The following SEMA4F variants were observed in gnomAD, a reference collection of about 807,000 sequenced individuals.
SEMA4F encodes the protein semaphorin-4F.
Under a neutral mutation model 78.4 loss-of-function variants are expected in SEMA4F, and 51 were observed. The observed-to-expected ratio is 0.65, with a 90% CI of 0.52 to 0.82. The LOEUF (loss-of-function observed/expected upper bound fraction) is 0.82. Among genes scored for constraint, SEMA4F ranks in the 40% least tolerant of loss-of-function variants. The pLI is 0.00. For synonymous variants in SEMA4F, 418 were observed against 408.7 expected (o/e 1.02, Z -0.27); for missense variants, 938 against 1,014.4 (o/e 0.92, Z 1.02).
chr2:74,685,646 T>G (rs1685807101), downstream of SEMA4F, among the ~76,000 whole-genome samples: 1 of 152,110 alleles, frequency 6.6e-6, no homozygotes, highest in Admixed American at 6.5e-5. Context: ...GTCAAGTCCA[T>G]GCCCAGGGAG....
At chr2:74,677,094 G>T (rs1187241059) in intron 12 of SEMA4F, among the ~76,000 whole-genome samples, 1 of 152,078 alleles carries the variant, frequency 6.6e-6, no homozygotes, top group Non-Finnish European at 1.5e-5. Context: ...TAGAGACGGG[G>T]TTTCACTACG....
Position 74,673,847 on chromosome 2 carries a change from T to G in SEMA4F, c.822+19T>G. Reference sequence around the variant, plus strand: ...GTGTGCGGTGAGACCCCATCCCAGCTGTCTGTCTGTCATCTCCTGCTCTGT... The same window carrying G: ...GTGTGCGGTGAGACCCCATCCCAGCGGTCTGTCTGTCATCTCCTGCTCTGT... On this transcript the variant is annotated intron_variant, in intron 7 of 13. Coordinates refer to ENST00000357877, the MANE Select transcript of SEMA4F (RefSeq NM_004263.5). 1.9e-6 allele frequency: 3 copies of G among 1,606,640 alleles called. No homozygotes were observed. The highest frequency in any genetic ancestry group is 2.6e-6 in the Non-Finnish European group (3 of 1,175,698).
intron 2 of SEMA4F, 21 bp downstream of exon 2, chr2:74,656,706 G>A (rs1439228387): frequency 3.1e-6 from 5 of 1,613,042 alleles, no homozygotes; most frequent in Admixed American, 1.7e-5. Flanking sequence ...AGAGAGGGAA[G>A]GACCCCTGAC....
rs1258537843 is a variant in SEMA4F at position 74,679,924 on chromosome 2, T to C, written c.2028T>C (p.Thr676=). ...FFLGILAASL[T]LILIGRRQQR... is the part of the protein sequence containing the mutation. ...TGGGGATTCTCGCAGCATCCCTGAC[T>C]CTCATTCTGATTGGTCGGCGTCAGC... Residue 676 remains threonine (T), a synonymous_variant, in exon 14 of 14, where the codon ACT becomes ACC. Coordinates refer to ENST00000357877, the MANE Select transcript of SEMA4F (RefSeq NM_004263.5). 6.2e-7 allele frequency: 1 copy of C among 1,614,216 alleles called. No individual in the cohort carries two copies. The highest frequency in any genetic ancestry group is 8.5e-7 in the Non-Finnish European group (1 of 1,180,048).
rs970207970 is a variant in SEMA4F at position 74,682,584 on chromosome 2, A to G, written c.*2375A>G. On this transcript the variant is annotated 3_prime_UTR_variant, in exon 14 of 14. Coordinates refer to ENST00000357877, the MANE Select transcript of SEMA4F (RefSeq NM_004263.5). ...GATCTATGATTTTTGTAATCCTCAG[A>G]CCTGTCTGACCTTAGTGGCCTGAGA... The G allele has an allele frequency of 1.3e-5, 2 of 152,086 alleles. No individual in the cohort carries two copies. The highest frequency in any genetic ancestry group is 3.8e-4 in the East Asian group (2 of 5,198). 9.4% of individuals were successfully genotyped at this position (152,086 alleles called of 1,614,324 possible).
rs1283586799 is a variant in SEMA4F, at chr2:74,654,528, C to A, written c.145+7C>A. On this transcript the variant is annotated splice_region_variant and intron_variant, in intron 1 of 13. Coordinates refer to ENST00000357877, the MANE Select transcript of SEMA4F (RefSeq NM_004263.5). ...ACCTCGCTTCCAATCTCTGGTAAGG[C>A]GCGGACGCCCACGCCCTCAGCCCTT... 4 of 1,547,950 alleles carry A rather than the reference C, an allele frequency of 2.6e-6. No homozygotes were observed. In the African/African-American group the frequency reaches 5.7e-5, roughly 22 times the overall value.
chr2:74,655,411 C>T, intron 1 of SEMA4F: 1 of 237,742 alleles, frequency 4.2e-6, no homozygotes, highest in South Asian at 5.2e-5. Flanking sequence ...TGGCCGTGGA[C>T]CTTGTTGTCT....
At chr2:74,695,812 C>T in the SEMA4F span, among the ~76,000 whole-genome samples, 2 of 152,132 alleles carry the variant, frequency 1.3e-5, no homozygotes. Flanking sequence ...GGAATTCTCC[C>T]GAAGTTGGTG....
chr2:74,654,663 G>C (rs1684024852), intron 1 of SEMA4F, 142 bp downstream of exon 1: 6 of 684,376 alleles, frequency 8.8e-6, no homozygotes, highest in Non-Finnish European at 1.3e-5. Flanking sequence ...CGCCGGGACC[G>C]GGGCGAGATC....
chr2:74,654,747 C>T (rs1354628957), intron 1 of SEMA4F, among the ~76,000 whole-genome samples: 1 of 152,244 alleles, frequency 6.6e-6, no homozygotes, highest in Non-Finnish European at 1.5e-5. Flanking sequence ...GGGCCTCGCG[C>T]CTCGGCTCCC....
At chr2:74,686,769 T>C (rs1685831372), downstream of SEMA4F, among the ~76,000 whole-genome samples, 1 of 150,160 alleles carries the variant, frequency 6.7e-6, no homozygotes, top group Non-Finnish European at 1.5e-5. Flanking sequence ...GAGCAAACTA[T>C]CACAAGGACA....
At chr2:74,657,747 C>T (rs1684228106) in intron 3 of SEMA4F, 106 bp from the exon 4 acceptor site, 3 of 1,362,874 alleles carry the variant, frequency 2.2e-6, no homozygotes, top group Admixed American at 3.4e-5. Flanking sequence ...ACCATGCCAT[C>T]ACCCATCATC....
chr2:74,706,313 A>G, the SEMA4F span, among the ~76,000 whole-genome samples: 7 of 152,164 alleles, frequency 4.6e-5, no homozygotes, highest in African/African-American at 1.7e-4. Context: ...GAACTTATCG[A>G]TATTCATACA....
chr2:74,656,525 TC>T lies in SEMA4F; in HGVS notation c.146-7del, dbSNP rs759958792. ...GATGGCTAACATCACTCTCCTCTCT[TC>T]CTGCCAGAGGCTGACTCCTGTCTCA... On this transcript the variant is annotated splice_region_variant and splice_polypyrimidine_tract_variant and intron_variant, in intron 1 of 13. Transcript: ENST00000357877. 8.1e-6 allele frequency: 13 copies of T among 1,612,702 alleles called. No individual in the cohort carries two copies. Among genetic ancestry groups the T allele is most frequent in the African/African-American group, 8.0e-5 (6 of 74,890 alleles).
At chr2:74,695,565 G>A in the SEMA4F span, among the ~76,000 whole-genome samples, 1 of 152,104 alleles carries the variant, frequency 6.6e-6, no homozygotes, top group Non-Finnish European at 1.5e-5. Context: ...TAAAACAACT[G>A]GACTTTGTCA....
chr2:74,699,834 CAGA>C, the SEMA4F span, among the ~76,000 whole-genome samples: 53 of 152,174 alleles, frequency 3.5e-4, no homozygotes, highest in Middle Eastern at 3.4e-3. Flanking sequence ...GTCAGCTTCT[CAGA>C]AGAAGTGAGA....
At chr2:74,659,504 G>T (rs1458314747) in intron 4 of SEMA4F, among the ~76,000 whole-genome samples, 4 of 152,154 alleles carry the variant, frequency 2.6e-5, no homozygotes, top group African/African-American at 7.2e-5. Context: ...GAAGCCAGGG[G>T]TCTGTGTCCT....
At chr2:74,673,313 G>A in intron 5 of SEMA4F, 144 bp from the exon 6 acceptor site, 2 of 946,894 alleles carry the variant, frequency 2.1e-6, no homozygotes, top group South Asian at 1.6e-5. Flanking sequence ...AATAATGCCT[G>A]TGATGTGCTC....
intron 5 of SEMA4F, among the ~76,000 whole-genome samples, chr2:74,672,148 C>G (rs1337542620): frequency 6.6e-6 from 1 of 152,212 alleles, no homozygotes; most frequent in Non-Finnish European, 1.5e-5. Context: ...GCAGACCAAC[C>G]ACAACTGAGT....
Sources: gnomAD v4.1 joint callset for allele counts (sites outside exome capture counted in the v4.1 genomes callset) on GRCh38, gnomAD v4.1.1 for gene constraint, MANE v1.5 for transcripts, NCBI Gene and HGNC (gene_info 2026-07-23, HGNC 2026-07-21) for gene names.